PPP4R2: variants seen among roughly 807,000 people sequenced by gnomAD.
The protein encoded by PPP4R2 is protein phosphatase 4 regulatory subunit 2, also known as serine/threonine-protein phosphatase 4 regulatory subunit 2.
A neutral mutation model predicts 47.2 loss-of-function variants in PPP4R2; 13 were observed. The ratio of observed to expected loss-of-function variants is 0.28; its 90% CI spans 0.18 to 0.44. The LOEUF (loss-of-function observed/expected upper bound fraction) is 0.44, where lower values mean the gene tolerates loss of function less well. Among genes scored for constraint, PPP4R2 ranks in the 20% least tolerant of loss-of-function variants. PPP4R2 has a pLI of 1.00. For missense variants in PPP4R2, 421 were observed against 491.2 expected, an observed-to-expected ratio of 0.86 and a Z score of 1.35; for synonymous variants, 151 against 163.3, an observed-to-expected ratio of 0.92 and a Z score of 0.57.
At chr3:73,060,935 C>T in intron 4 of PPP4R2, 88 bp from the exon 5 acceptor site, 1 of 844,894 alleles carries the variant, frequency 1.2e-6, no homozygotes, top group South Asian at 2.1e-5. Context: ...GAATTTAACC[C>T]ACCAGAGTGA....
chr3:73,021,051 A>G (rs1328534322), intron 2 of PPP4R2, among the ~76,000 whole-genome samples: 2 of 152,094 alleles, frequency 1.3e-5, no homozygotes, highest in Admixed American at 1.3e-4. Context: ...TTTGTGCATT[A>G]GTCTATGTTG....
chr3:73,037,892 T>C lies in PPP4R2; in HGVS notation c.117-9294T>C, dbSNP rs867099591. On this transcript the variant is annotated intron_variant, in intron 2 of 8. Transcript: ENST00000356692. The stretch of plus-strand genomic sequence containing the variant: ...GTAAGTCTGGTTTTCCAAATGAATT[T>C]TGTTTTATTGTTTTAAGCACACCTG... Among the ~76,000 whole-genome samples, 61 of 152,276 alleles carry C rather than the reference T, an allele frequency of 4.0e-4. 1 individual carries two copies. Among genetic ancestry groups the C allele is most frequent in the Middle Eastern group, 6.8e-3 (2 of 294 alleles).
chr3:73,016,083 T>C (rs1238559390), intron 2 of PPP4R2: 1 of 152,790 alleles, frequency 6.5e-6, no homozygotes, highest in Admixed American at 6.5e-5. Flanking sequence ...ATCTGAAACA[T>C]AGTTTTAAAT....
chr3:73,029,717 TCCAGACTGGATGAG>T (rs1702133830), intron 2 of PPP4R2, among the ~76,000 whole-genome samples: 1 of 152,100 alleles, frequency 6.6e-6, no homozygotes, highest in East Asian at 1.9e-4. Context: ...TATTAAAAAC[TCCAGACTGGATGAG>T]ATCACCAAGT....
At chr3:73,015,933 C>T (rs902086556) in intron 2 of PPP4R2, 6 of 247,156 alleles carry the variant, frequency 2.4e-5, no homozygotes, top group Admixed American at 9.8e-5. Flanking sequence ...CTACTGCACC[C>T]GCCCTGTTTT....
intron 2 of PPP4R2, among the ~76,000 whole-genome samples, chr3:73,030,948 C>T (rs533809598): frequency 4.0e-4 from 60 of 151,860 alleles, no homozygotes; most frequent in Admixed American, 1.1e-3. Context: ...GTGATCTGCC[C>T]GCCTCGGCCT....
Position 73,004,672 on chromosome 3 carries a change from C to G in PPP4R2, c.116+6514C>G, listed in dbSNP as rs555210298. Among the ~76,000 whole-genome samples the G allele has an allele frequency of 6.6e-5, 10 of 152,070 alleles. No homozygotes were observed. The South Asian group carries it at 1.5e-3, about 22-fold the overall frequency. On this transcript the variant is annotated intron_variant, in intron 2 of 8. Coordinates refer to ENST00000356692, the MANE Select transcript of PPP4R2 (RefSeq NM_174907.4). ...GGCTGGTCTCCTGAGCTTGAACTCC[C>G]GAGCTTAAGTGATCTGCCCACTTTG...
At chr3:73,045,512 A>G (rs1008098175) in intron 2 of PPP4R2, among the ~76,000 whole-genome samples, 1 of 146,500 alleles carries the variant, frequency 6.8e-6, no homozygotes, top group Non-Finnish European at 1.5e-5. Flanking sequence ...GAAAATGTCT[A>G]CCACATTCTC....
chr3:73,006,510 C>CAT (rs1365164094), intron 2 of PPP4R2, among the ~76,000 whole-genome samples: 1 of 152,174 alleles, frequency 6.6e-6, no homozygotes, highest in Non-Finnish European at 1.5e-5. Flanking sequence ...TTTCTAACTA[C>CAT]ATGGAGCACT....
intron 2 of PPP4R2, among the ~76,000 whole-genome samples, chr3:73,006,016 C>G (rs1358660002): frequency 2.0e-5 from 3 of 152,056 alleles, no homozygotes; most frequent in Admixed American, 2.0e-4. Context: ...AATCTTCCCT[C>G]CCTGTGTGTG....
At chr3:73,031,675 A>T (rs1408858097) in intron 2 of PPP4R2, among the ~76,000 whole-genome samples, 1 of 152,236 alleles carries the variant, frequency 6.6e-6, no homozygotes, top group Non-Finnish European at 1.5e-5. Context: ...AAGTGCCTTT[A>T]GAAGTATTTC....
intron 2 of PPP4R2, among the ~76,000 whole-genome samples, chr3:73,013,119 T>C (rs550726955): frequency 6.8e-4 from 103 of 152,272 alleles, no homozygotes; most frequent in African/African-American, 2.5e-3. Context: ...TTGTAAATAT[T>C]GTGTGTGGTC....
chr3:73,043,993 C>T (rs200586254), intron 2 of PPP4R2, among the ~76,000 whole-genome samples: 1 of 152,146 alleles, frequency 6.6e-6, no homozygotes, highest in African/African-American at 2.4e-5. Context: ...ATACAATAGT[C>T]GTTCTTTTTG....
chr3:73,032,700 T>C (rs1702189780), intron 2 of PPP4R2, among the ~76,000 whole-genome samples: 1 of 152,234 alleles, frequency 6.6e-6, no homozygotes, highest in South Asian at 2.1e-4. Flanking sequence ...AGTTAAGATT[T>C]AGTTTCTTTT....
At chr3:73,047,744 T>C (rs1702513925) in intron 3 of PPP4R2, among the ~76,000 whole-genome samples, 1 of 152,258 alleles carries the variant, frequency 6.6e-6, no homozygotes, top group African/African-American at 2.4e-5. Flanking sequence ...TTAGACTTTT[T>C]TTGGAGTCAT....
chr3:72,999,071 A>G (rs975124023), intron 2 of PPP4R2, among the ~76,000 whole-genome samples: 1 of 152,220 alleles, frequency 6.6e-6, no homozygotes, highest in East Asian at 1.9e-4. Flanking sequence ...GCCTTTTAAC[A>G]ACTAGCCTAA....
At chr3:73,040,358 A>G (rs900812951) in intron 2 of PPP4R2, among the ~76,000 whole-genome samples, 6 of 152,184 alleles carry the variant, frequency 3.9e-5, no homozygotes, top group African/African-American at 1.2e-4. Flanking sequence ...TGACGTATGT[A>G]CTTCATACTT....
chr3:73,012,618 A>T (rs1253780287), intron 2 of PPP4R2, among the ~76,000 whole-genome samples: 2 of 152,122 alleles, frequency 1.3e-5, no homozygotes, highest in Non-Finnish European at 2.9e-5. Context: ...AAATATTTTC[A>T]ATCTGAGGTT....
At chr3:73,027,468 G>C (rs139795492) in intron 2 of PPP4R2, among the ~76,000 whole-genome samples, 4 of 152,264 alleles carry the variant, frequency 2.6e-5, no homozygotes, top group Admixed American at 2.0e-4. Flanking sequence ...ATAATTCCCA[G>C]ATCTGCTTGG....
Sources: allele counts gnomAD v4.1 joint callset (sites outside exome capture counted in the v4.1 genomes callset), GRCh38; gene constraint gnomAD v4.1.1; transcripts MANE v1.5; gene names NCBI Gene and HGNC (gene_info 2026-07-23, HGNC 2026-07-21).